WDR20: variants seen among roughly 807,000 people sequenced by gnomAD.
The protein encoded by WDR20 is WD repeat domain 20.
Under a neutral mutation model 38.7 loss-of-function variants are expected in WDR20, and 3 were observed. That is an observed-to-expected ratio of 0.08 (90% confidence interval 0.04 to 0.20). The LOEUF is 0.20. WDR20 is among the 10% of genes least tolerant of loss of function. WDR20 has a pLI of 1.00. For synonymous variants in WDR20, 298 were observed against 285.6 expected (o/e 1.04, Z -0.44); for missense variants, 559 against 727.7 (o/e 0.77, Z 2.67).
At chr14:102,183,452 A>G (rs955101556) in intron 1 of WDR20, among the ~76,000 whole-genome samples, 2 of 152,238 alleles carry the variant, frequency 1.3e-5, no homozygotes, top group Non-Finnish European at 2.9e-5. Context: ...GCAGTGTACT[A>G]TGTCCAAAAT....
At chr14:102,161,389 CT>C (rs1332123366) in intron 1 of WDR20, among the ~76,000 whole-genome samples, 1 of 150,470 alleles carries the variant, frequency 6.6e-6, no homozygotes, top group East Asian at 2.0e-4. Flanking sequence ...TCATGGCTTA[CT>C]GTAGCTTCAG....
intron 1 of WDR20, among the ~76,000 whole-genome samples, chr14:102,184,020 G>A (rs573541645): frequency 3.9e-5 from 6 of 152,156 alleles, no homozygotes; most frequent in African/African-American, 9.6e-5. Context: ...TTGCCTTTTC[G>A]TCAGTGTGAG....
At chr14:102,205,793 A>C (rs568140237) in intron 2 of WDR20, among the ~76,000 whole-genome samples, 4 of 150,432 alleles carry the variant, frequency 2.7e-5, no homozygotes, top group Admixed American at 1.3e-4. Flanking sequence ...ATACAGGTGG[A>C]TCCAAGGTCG....
chr14:102,214,824 A>G, downstream of WDR20: 1 of 981,262 alleles, frequency 1.0e-6, no homozygotes, highest in South Asian at 4.7e-5. Context: ...AAACTTTAGT[A>G]TCAGTATTGT....
chr14:102,189,865 A>G (rs2065901396), intron 1 of WDR20, among the ~76,000 whole-genome samples: 1 of 152,212 alleles, frequency 6.6e-6, no homozygotes, highest in South Asian at 2.1e-4. Context: ...AAGTGATTAA[A>G]TATTAAATGT....
chr14:102,173,518 G>C (rs2061433217), intron 1 of WDR20, among the ~76,000 whole-genome samples: 1 of 149,646 alleles, frequency 6.7e-6, no homozygotes, highest in Non-Finnish European at 1.5e-5. Context: ...GAGGTATTTG[G>C]TTACATGGAT....
intron 1 of WDR20, among the ~76,000 whole-genome samples, chr14:102,150,524 C>T (rs768330157): frequency 6.6e-6 from 1 of 152,070 alleles, no homozygotes; most frequent in Non-Finnish European, 1.5e-5. Context: ...TCTTAGTTAC[C>T]GCATTGTAGA....
At chr14:102,197,298 C>G (rs1218535367) in intron 2 of WDR20, among the ~76,000 whole-genome samples, 1 of 152,162 alleles carries the variant, frequency 6.6e-6, no homozygotes, top group Non-Finnish European at 1.5e-5. Context: ...TCCGGGAGCT[C>G]ACAGTTTAGT....
At chr14:102,168,513 G>C (rs2060201161) in intron 1 of WDR20, among the ~76,000 whole-genome samples, 1 of 152,084 alleles carries the variant, frequency 6.6e-6, no homozygotes, top group Admixed American at 6.6e-5. Context: ...TCAGTAGTTA[G>C]AGAATGAACC....
chr14:102,163,849 TC>T (rs1332327293), intron 1 of WDR20, among the ~76,000 whole-genome samples: 1 of 152,116 alleles, frequency 6.6e-6, no homozygotes, highest in Non-Finnish European at 1.5e-5. Context: ...CACTCTCCCT[TC>T]CAGAAGCAGG....
chr14:102,139,786 C>A, upstream of WDR20: 2 of 1,326,688 alleles, frequency 1.5e-6, no homozygotes, highest in Non-Finnish European at 2.1e-6. Context: ...CTTTGGCCCG[C>A]CCTCGCAGGG....
intron 1 of WDR20, among the ~76,000 whole-genome samples, chr14:102,165,836 C>T (rs562058113): frequency 6.6e-6 from 1 of 151,886 alleles, no homozygotes; most frequent in South Asian, 2.1e-4. Flanking sequence ...GACAGGGTTT[C>T]ATCATATTGC....
downstream of WDR20, chr14:102,214,650 A>G (rs994629050): frequency 2.0e-6 from 2 of 984,594 alleles, no homozygotes; most frequent in Non-Finnish European, 2.4e-6. Context: ...GACACTGTAT[A>G]AAATTGTATG....
chr14:102,205,527 G>C (rs2152998021), intron 2 of WDR20, among the ~76,000 whole-genome samples: 1 of 152,230 alleles, frequency 6.6e-6, no homozygotes, highest in South Asian at 2.1e-4. Context: ...AGCGTATCTT[G>C]AAAGGTAATT....
At chr14:102,218,743 C>T (rs1208307259), downstream of WDR20, among the ~76,000 whole-genome samples, 5 of 152,112 alleles carry the variant, frequency 3.3e-5, no homozygotes, top group Non-Finnish European at 7.3e-5. Flanking sequence ...CCAAGGCTTG[C>T]CCCGTTCCTC....
intron 1 of WDR20, among the ~76,000 whole-genome samples, chr14:102,166,198 C>T (rs894464527): frequency 6.6e-6 from 1 of 150,696 alleles, no homozygotes; most frequent in African/African-American, 2.4e-5. Flanking sequence ...AAGCTGATCT[C>T]GAACTCCTGA....
intron 1 of WDR20, among the ~76,000 whole-genome samples, chr14:102,162,709 G>T (rs2059010034): frequency 6.6e-6 from 1 of 152,026 alleles, no homozygotes; most frequent in Non-Finnish European, 1.5e-5. Flanking sequence ...TGCCTCCTGG[G>T]CTCAAGCCAG....
intron 1 of WDR20, chr14:102,171,290 G>T (rs1298274416): frequency 3.5e-5 from 5 of 142,250 alleles, no homozygotes; most frequent in African/African-American, 1.0e-4. Context: ...AGGAGACAGG[G>T]TCTTGCTCTG....
chr14:102,198,092 G>T, intron 2 of WDR20: 1 of 330,498 alleles, frequency 3.0e-6, no homozygotes, highest in Non-Finnish European at 5.4e-6. Context: ...AATCACAGAG[G>T]TCTACTTTAT....
Sources: gnomAD v4.1 joint callset for allele counts (sites outside exome capture counted in the v4.1 genomes callset) on GRCh38, gnomAD v4.1.1 for gene constraint, MANE v1.5 for transcripts, NCBI Gene and HGNC (gene_info 2026-07-23, HGNC 2026-07-21) for gene names.